Variants in FAM91A1 observed in about 807,000 individuals in gnomAD.
FAM91A1 encodes the protein family with sequence similarity 91 member A1.
A neutral mutation model predicts 113.5 loss-of-function variants in FAM91A1; 41 were observed. The ratio of observed to expected loss-of-function variants is 0.36; its 90% confidence interval spans 0.28 to 0.47. The LOEUF (loss-of-function observed/expected upper bound fraction) is 0.47, where lower values mean the gene tolerates loss of function less well. Among genes scored for constraint, FAM91A1 ranks in the 20% least tolerant of loss-of-function variants. The probability of loss-of-function intolerance (pLI) is 1.00; values close to 1 mark genes in which losing one functional copy is unlikely to be tolerated. For synonymous variants in FAM91A1, 307 were observed against 347.9 expected (o/e 0.88, Z 1.31); for missense variants, 696 against 1,001.2 (o/e 0.70, Z 4.11).
chr8:123,772,081 G>C (rs554058972), intron 1 of FAM91A1, among the ~76,000 whole-genome samples: 1 of 152,316 alleles, frequency 6.6e-6, no homozygotes, highest in African/African-American at 2.4e-5. Flanking sequence ...GGGAGCCCAA[G>C]AATCTCAGAA....
At chr8:123,788,082 A>T (rs1196750189) in intron 14 of FAM91A1, 9 of 648,594 alleles carry the variant, frequency 1.4e-5, no homozygotes, top group Non-Finnish European at 1.7e-5. Flanking sequence ...TTTTTCTGGT[A>T]TGACTCTCTA....
chr8:123,787,924 A>C (rs1815298045), intron 14 of FAM91A1, among the ~76,000 whole-genome samples, 174 bp downstream of exon 14: 1 of 152,158 alleles, frequency 6.6e-6, no homozygotes, highest in Non-Finnish European at 1.5e-5. Flanking sequence ...AAACATATTG[A>C]GTGGGTGAAT....
chr8:123,779,310 T>A (rs1815062576), intron 6 of FAM91A1, among the ~76,000 whole-genome samples: 3 of 152,188 alleles, frequency 2.0e-5, no homozygotes. Flanking sequence ...TGCAAAGAAC[T>A]GTTGTACTGA....
At chr8:123,780,355 A>T in intron 7 of FAM91A1, 125 bp from the exon 8 acceptor site, 1 of 793,684 alleles carries the variant, frequency 1.3e-6, no homozygotes, top group Non-Finnish European at 2.0e-6. Flanking sequence ...CTTCTATTTT[A>T]CTTTTTCTTT....
intron 15 of FAM91A1, 44 bp downstream of exon 15, chr8:123,789,789 C>CT: frequency 6.3e-7 from 1 of 1,590,682 alleles, no homozygotes; most frequent in Non-Finnish European, 8.6e-7. Flanking sequence ...TCATATGAAA[C>CT]TTTTTTCTAA....
Position 123,812,681 on chromosome 8 carries a change from A to G in FAM91A1, c.2494A>G (p.Ile832Val). Residue 832 changes from isoleucine to valine, a missense_variant, in exon 24 of 24, where the codon ATT (isoleucine) becomes GTT (valine). Physicochemically the swap from Ile to Val is conservative, Grantham distance 29. Coordinates refer to ENST00000334705, the MANE Select transcript of FAM91A1 (RefSeq NM_144963.4). ...WSGRSPSSLL[I>V]ANLHLQ Reference sequence around the variant, plus strand: ...TGGACGGTCACCTTCCTCACTTCTTATTGCTAATCTCCATTTGCAATAATT... The same window carrying G: ...TGGACGGTCACCTTCCTCACTTCTTGTTGCTAATCTCCATTTGCAATAATT... 1 of 1,585,712 alleles carries G rather than the reference A, an allele frequency of 6.3e-7. No individual in the cohort carries two copies. Among genetic ancestry groups the G allele is most frequent in the African/African-American group, 1.4e-5 (1 of 73,160 alleles).
chr8:123,812,399 GTACTGC>G, intron 23 of FAM91A1, 114 bp from the exon 24 acceptor site: 2 of 776,554 alleles, frequency 2.6e-6, no homozygotes, highest in Non-Finnish European at 4.0e-6. Flanking sequence ...TGCATCTCCT[GTACTGC>G]TTTGCAATCC....
chr8:123,808,539 T>C (rs1815871159), intron 21 of FAM91A1, among the ~76,000 whole-genome samples, 163 bp downstream of exon 21: 1 of 152,222 alleles, frequency 6.6e-6, no homozygotes, highest in South Asian at 2.1e-4. Context: ...ATAATTCAAG[T>C]ATTATAAAAT....
chr8:123,798,878 T>C (rs1815608897), intron 16 of FAM91A1, among the ~76,000 whole-genome samples: 1 of 152,198 alleles, frequency 6.6e-6, no homozygotes, highest in African/African-American at 2.4e-5. Context: ...TCTAGCTGCC[T>C]CAGTGAGCAT....
chr8:123,799,969 TGTCA>T (rs1348970693), intron 18 of FAM91A1, 84 bp downstream of exon 18: 7 of 1,098,650 alleles, frequency 6.4e-6, no homozygotes, highest in Non-Finnish European at 9.1e-6. Flanking sequence ...TGCAATAAAA[TGTCA>T]GTCATTTGAA....
At chr8:123,800,178 G>A (rs1030654513) in intron 18 of FAM91A1, among the ~76,000 whole-genome samples, 1 of 151,680 alleles carries the variant, frequency 6.6e-6, no homozygotes, top group Non-Finnish European at 1.5e-5. Context: ...TTCCCCATCT[G>A]TGGGGAATAT....
chr8:123,772,458 C>T (rs974435700), intron 1 of FAM91A1, among the ~76,000 whole-genome samples: 3 of 152,166 alleles, frequency 2.0e-5, no homozygotes, highest in South Asian at 2.1e-4. Context: ...ATTGATGCTA[C>T]GAAGAGGATG....
intron 1 of FAM91A1, among the ~76,000 whole-genome samples, chr8:123,771,712 G>C (rs1814843084): frequency 6.6e-6 from 1 of 152,106 alleles, no homozygotes; most frequent in African/African-American, 2.4e-5. Context: ...CATCCAAGAA[G>C]GGTCAATTTA....
intron 3 of FAM91A1, among the ~76,000 whole-genome samples, 174 bp from the exon 4 acceptor site, chr8:123,777,090 TG>T (rs975527492): frequency 1.3e-5 from 2 of 152,182 alleles, no homozygotes; most frequent in Admixed American, 1.3e-4. Context: ...ATTACTAGGT[TG>T]GGAACATGTG....
intron 10 of FAM91A1, among the ~76,000 whole-genome samples, 175 bp from the exon 11 acceptor site, chr8:123,785,454 C>T (rs1815228842): frequency 6.6e-6 from 1 of 152,152 alleles, no homozygotes; most frequent in African/African-American, 2.4e-5. Flanking sequence ...AACATTCCCT[C>T]CTATACATTT....
chr8:123,774,206 A>G (rs764284720), intron 2 of FAM91A1, 42 bp downstream of exon 2: 1 of 1,389,044 alleles, frequency 7.2e-7, no homozygotes, highest in Non-Finnish European at 1.0e-6. Context: ...ACTGACCACT[A>G]CTCTTTCACA....
chr8:123,794,570 T>TGTTG (rs1815463002), intron 15 of FAM91A1, among the ~76,000 whole-genome samples: 1 of 152,224 alleles, frequency 6.6e-6, no homozygotes, highest in African/African-American at 2.4e-5. Flanking sequence ...TGAGCTCAAG[T>TGTTG]GTTGTATCTA....
At chr8:123,769,246 C>T (rs1814782168) in intron 1 of FAM91A1, among the ~76,000 whole-genome samples, 1 of 152,090 alleles carries the variant, frequency 6.6e-6, no homozygotes, top group South Asian at 2.1e-4. Context: ...TAAATTGGGC[C>T]TTGGAGGACG....
chr8:123,796,614 A>G (rs1815526795), intron 15 of FAM91A1, among the ~76,000 whole-genome samples: 1 of 151,576 alleles, frequency 6.6e-6, no homozygotes, highest in Non-Finnish European at 1.5e-5. Flanking sequence ...ACGTGCTACC[A>G]TGCCTGGCTA....
Sources: allele counts gnomAD v4.1 joint callset (sites outside exome capture counted in the v4.1 genomes callset), GRCh38; gene constraint gnomAD v4.1.1; transcripts MANE v1.5; gene names NCBI Gene and HGNC (gene_info 2026-07-23, HGNC 2026-07-21).